The following LARP4B variants were observed in gnomAD, a reference collection of about 807,000 sequenced individuals.
The protein encoded by LARP4B is La ribonucleoprotein 4B.
Under a neutral mutation model 89.8 loss-of-function variants are expected in LARP4B, and 12 were observed. The ratio of observed to expected loss-of-function variants is 0.13; its 90% CI spans 0.09 to 0.22. LARP4B has a LOEUF of 0.22. Among genes scored for constraint, LARP4B ranks in the 10% least tolerant of loss-of-function variants. LARP4B has a pLI of 1.00. For missense variants in LARP4B, 757 were observed against 947.7 expected, an observed-to-expected ratio of 0.80 and a Z score of 2.64; for synonymous variants, 367 against 363.3, an observed-to-expected ratio of 1.01 and a Z score of -0.12.
chr10:973,554 T>C, the LARP4B span, among the ~76,000 whole-genome samples: 1 of 152,050 alleles, frequency 6.6e-6, no homozygotes, highest in South Asian at 2.1e-4. Context: ...GGTTTCACCA[T>C]GTTAGCCAGG....
chr10:822,566 C>G lies in LARP4B; in HGVS notation c.1485-1721G>C, dbSNP rs982421711. 6.6e-6 allele frequency among the ~76,000 whole-genome samples: 1 copy of G among 152,224 alleles called. No individual in the cohort carries two copies. The highest frequency in any genetic ancestry group is 6.5e-5 in the Admixed American group (1 of 15,288). Reference sequence around the variant, plus strand: ...TCAGACCCAGAAGCCCACCTGCAGCCGTAGAACACTGTCAGCTGTCAGTGC... The same window carrying G: ...TCAGACCCAGAAGCCCACCTGCAGCGGTAGAACACTGTCAGCTGTCAGTGC... On this transcript the variant is annotated intron_variant, in intron 13 of 17. Transcript: ENST00000316157. This position sits in a 1 kb window ranked among gnomAD's most constrained non-coding sequence, Gnocchi z 4.6.
At chr10:893,002 C>T (rs932306656) in intron 1 of LARP4B, among the ~76,000 whole-genome samples, 13 of 151,344 alleles carry the variant, frequency 8.6e-5, no homozygotes, top group African/African-American at 3.2e-4. Context: ...CCTCTGCCTC[C>T]CGGGCTCAGG....
chr10:933,862 T>G (rs1184356868), upstream of LARP4B, among the ~76,000 whole-genome samples: 1 of 151,622 alleles, frequency 6.6e-6, no homozygotes, highest in Admixed American at 6.6e-5. Context: ...AGACTGACTC[T>G]CCCTCTGTCA....
chr10:932,996 G>A (rs900890473), upstream of LARP4B: 6 of 152,244 alleles, frequency 3.9e-5, no homozygotes, highest in Non-Finnish European at 5.9e-5. Context: ...GATGCTCTTG[G>A]TAGCTCAGGG....
intron 1 of LARP4B, among the ~76,000 whole-genome samples, chr10:916,990 G>A (rs890031172): frequency 1.5e-4 from 23 of 152,084 alleles, no homozygotes; most frequent in African/African-American, 4.8e-4. Context: ...GAGCCACTGC[G>A]CCAGGTGGTA....
At chr10:929,719 A>T (rs1837247885) in intron 1 of LARP4B, among the ~76,000 whole-genome samples, 1 of 152,210 alleles carries the variant, frequency 6.6e-6, no homozygotes, top group Non-Finnish European at 1.5e-5. Context: ...CAATTGAGAA[A>T]ATGTAGGCAA....
the LARP4B span, among the ~76,000 whole-genome samples, chr10:958,341 G>C: frequency 6.9e-6 from 1 of 145,590 alleles, no homozygotes. Context: ...CCTGGGCGCA[G>C]ACACCCCGTG....
Position 814,262 on chromosome 10 carries a change from G to C in LARP4B, c.1929+480C>G, listed in dbSNP as rs1264665002. Among the ~76,000 whole-genome samples, 1 of 152,150 alleles carries C rather than the reference G, an allele frequency of 6.6e-6. No homozygotes were observed. Among genetic ancestry groups the C allele is most frequent in the Non-Finnish European group, 1.5e-5 (1 of 68,030 alleles). ...ACAGAGGCCACAACTCAGAGTAAGA[G>C]AGGCCACAGTTCACCCAGTAGGGAA... On this transcript the variant is annotated intron_variant, in intron 17 of 17. Coordinates refer to ENST00000316157, the MANE Select transcript of LARP4B (RefSeq NM_015155.3). The surrounding 1 kb of genome is among the most constrained non-coding windows in gnomAD (Gnocchi z 4.4).
chr10:919,430 T>C (rs1369079143), intron 1 of LARP4B, among the ~76,000 whole-genome samples: 1 of 151,984 alleles, frequency 6.6e-6, no homozygotes, highest in Admixed American at 6.6e-5. Context: ...TTGGATGATG[T>C]AAAGCAAACT....
intron 3 of LARP4B, chr10:869,908 AATAAT>A (rs1453001077): frequency 9.6e-4 from 3 of 3,140 alleles, no homozygotes; most frequent in East Asian, 0.013. Flanking sequence ...AAAAATAAAT[AATAAT>A]AATAATAATA....
chr10:974,755 A>G, the LARP4B span, among the ~76,000 whole-genome samples: 1 of 152,216 alleles, frequency 6.6e-6, no homozygotes, highest in South Asian at 2.1e-4. Flanking sequence ...ACCGTGAAAC[A>G]CCTGCTAATA....
intron 4 of LARP4B, 71 bp downstream of exon 4, chr10:864,052 C>T (rs1000723809): frequency 1.9e-6 from 3 of 1,595,492 alleles, no homozygotes; most frequent in Admixed American, 1.7e-5. Flanking sequence ...ATCTTAAAGA[C>T]AGATTAAAAT....
chr10:895,694 A>G (rs977530502), intron 1 of LARP4B, among the ~76,000 whole-genome samples: 1 of 151,862 alleles, frequency 6.6e-6, no homozygotes, highest in African/African-American at 2.4e-5. Flanking sequence ...AAAAGAAAAG[A>G]AAAGTAGAAA....
chr10:915,068 C>T (rs1279334056), intron 1 of LARP4B, among the ~76,000 whole-genome samples: 1 of 152,094 alleles, frequency 6.6e-6, no homozygotes, highest in African/African-American at 2.4e-5. Context: ...CTGGTCTGCT[C>T]TTTAAGAAAA....
intron 15 of LARP4B, among the ~76,000 whole-genome samples, chr10:817,069 T>C (rs1832102038): frequency 6.6e-6 from 1 of 152,236 alleles, no homozygotes; most frequent in South Asian, 2.1e-4. Flanking sequence ...GCTCTTCCTA[T>C]GCACAGTAGG....
the LARP4B span, chr10:988,283 C>T: frequency 1.7e-6 from 1 of 589,436 alleles, no homozygotes; most frequent in Non-Finnish European, 3.1e-6. Context: ...CTGAGGCCCT[C>T]ACACGCCCTC....
intron 6 of LARP4B, 134 bp from the exon 7 acceptor site, chr10:843,202 T>C (rs1309572502): frequency 2.5e-6 from 2 of 799,634 alleles, no homozygotes; most frequent in African/African-American, 3.5e-5. Flanking sequence ...CCAGGACCCA[T>C]CTGTTATTTG....
At chr10:887,940 G>T (rs914362217) in intron 1 of LARP4B, among the ~76,000 whole-genome samples, 1 of 151,660 alleles carries the variant, frequency 6.6e-6, no homozygotes, top group South Asian at 2.1e-4. Flanking sequence ...CACTAGAATC[G>T]CGTGAACCAG....
chr10:969,009 G>A, the LARP4B span, among the ~76,000 whole-genome samples: 44 of 152,304 alleles, frequency 2.9e-4, no homozygotes, highest in Non-Finnish European at 4.9e-4. Context: ...CACATCTTCC[G>A]TGTGCCCTTG....
Sources: allele counts gnomAD v4.1 joint callset (sites outside exome capture counted in the v4.1 genomes callset), GRCh38; gene constraint gnomAD v4.1.1; non-coding constraint Gnocchi (gnomAD v3.1); transcripts MANE v1.5; gene names NCBI Gene and HGNC (gene_info 2026-07-23, HGNC 2026-07-21).